CNTNAP2: variants seen among roughly 807,000 people sequenced by gnomAD.
CNTNAP2 encodes contactin associated protein 2.
A neutral mutation model predicts 155.2 loss-of-function variants in CNTNAP2; 98 were observed. The observed-to-expected ratio is 0.63, with a 90% CI of 0.54 to 0.75. The LOEUF is 0.75. Among genes scored for constraint, CNTNAP2 ranks in the 30% least tolerant of loss-of-function variants. CNTNAP2 has a pLI of 0.00. For missense variants in CNTNAP2, 1,727 were observed against 1,688.1 expected (o/e 1.02, Z -0.40); for synonymous variants, 651 against 631.2 (o/e 1.03, Z -0.47).
chr7:147,093,287 A>T (rs1245869971), intron 4 of CNTNAP2, among the ~76,000 whole-genome samples: 1 of 151,392 alleles, frequency 6.6e-6, no homozygotes, highest in African/African-American at 2.4e-5. Context: ...CGTATGTCAG[A>T]TGATACAATG....
At chr7:146,162,134 A>G (rs1282746441) in intron 1 of CNTNAP2, among the ~76,000 whole-genome samples, 1 of 152,226 alleles carries the variant, frequency 6.6e-6, no homozygotes. Context: ...ACCAAAAGCA[A>G]TGGCAACAAA....
At chr7:147,774,919 A>G (rs1164649917) in intron 13 of CNTNAP2, among the ~76,000 whole-genome samples, 1 of 152,070 alleles carries the variant, frequency 6.6e-6, no homozygotes. Flanking sequence ...AAAGGTCACA[A>G]AGTCAGTATA....
At chr7:146,987,067 C>T (rs1445383441) in intron 3 of CNTNAP2, among the ~76,000 whole-genome samples, 1 of 152,084 alleles carries the variant, frequency 6.6e-6, no homozygotes, top group Non-Finnish European at 1.5e-5. Context: ...AACAAAGAAC[C>T]TGGAACACAG....
chr7:148,201,158 C>G (rs1795363548), intron 18 of CNTNAP2, among the ~76,000 whole-genome samples: 1 of 152,164 alleles, frequency 6.6e-6, no homozygotes, highest in Non-Finnish European at 1.5e-5. Flanking sequence ...AAAATAATTA[C>G]AGAAGCAAAA....
intron 18 of CNTNAP2, among the ~76,000 whole-genome samples, chr7:148,178,400 C>T (rs1794982805): frequency 6.6e-6 from 1 of 152,154 alleles, no homozygotes; most frequent in Non-Finnish European, 1.5e-5. Context: ...TACTGAGTGA[C>T]CAAGATTTGA....
rs181352565 is a variant in CNTNAP2 at position 147,457,080 on chromosome 7, C to T, written c.1671-28855C>T. ...AAAACTAACTGGACCAGTACTTTTC[C>T]TTTTTTTCTGATATTTTCCTTTGTT... On this transcript the variant is annotated intron_variant, in intron 10 of 23. Coordinates refer to ENST00000361727, the MANE Select transcript of CNTNAP2 (RefSeq NM_014141.6). Among the ~76,000 whole-genome samples, 985 of 152,178 alleles carry T rather than the reference C, an allele frequency of 6.5e-3. 5 individuals are homozygous for T. Among genetic ancestry groups the T allele is most frequent in the Non-Finnish European group, 0.011 (737 of 67,990 alleles).
chr7:147,561,711 G>A (rs1456336719), intron 11 of CNTNAP2, among the ~76,000 whole-genome samples: 4 of 152,114 alleles, frequency 2.6e-5, no homozygotes, highest in African/African-American at 9.7e-5. Context: ...GTGTGTGTGT[G>A]CACAAGAGAG....
At chr7:148,353,215 G>T (rs542539978) in intron 21 of CNTNAP2, among the ~76,000 whole-genome samples, 1 of 152,198 alleles carries the variant, frequency 6.6e-6, no homozygotes, top group Non-Finnish European at 1.5e-5. Context: ...AATGCCCACT[G>T]AAGTGTTCCC....
intron 2 of CNTNAP2, among the ~76,000 whole-genome samples, chr7:146,815,271 A>G (rs1803143525): frequency 6.6e-6 from 1 of 152,184 alleles, no homozygotes; most frequent in Admixed American, 6.6e-5. Flanking sequence ...ACAGATATAT[A>G]TAATCATAAA....
At chr7:148,397,237 A>ATCAG (rs1057037060) in intron 22 of CNTNAP2, among the ~76,000 whole-genome samples, 2 of 152,242 alleles carry the variant, frequency 1.3e-5, no homozygotes, top group African/African-American at 4.8e-5. Context: ...CTGGCTGCAC[A>ATCAG]TCAGTCACCT....
chr7:148,021,748 G>A (rs547133037), intron 15 of CNTNAP2, among the ~76,000 whole-genome samples: 1 of 152,196 alleles, frequency 6.6e-6, no homozygotes, highest in Non-Finnish European at 1.5e-5. Context: ...CAGGAACCCG[G>A]TGGCTCGCAG....
intron 10 of CNTNAP2, among the ~76,000 whole-genome samples, chr7:147,451,842 A>G (rs1797839520): frequency 6.6e-6 from 1 of 151,310 alleles, no homozygotes; most frequent in Admixed American, 6.6e-5. Context: ...TTAAAAAGTG[A>G]CTGGGTCATT....
chr7:146,871,098 C>G (rs1795296215), intron 3 of CNTNAP2, among the ~76,000 whole-genome samples: 3 of 152,186 alleles, frequency 2.0e-5, no homozygotes, highest in Admixed American at 6.5e-5. Flanking sequence ...CAATGGGACA[C>G]ATCTACCAGC....
In CNTNAP2 at chr7:146,231,454, CCT is replaced by C. The variant is rs1227545284; in HGVS notation, c.97+114482_97+114483del. Among the ~76,000 whole-genome samples the C allele has an allele frequency of 2.6e-5, 4 of 152,288 alleles. No individual in the cohort carries two copies. In the East Asian group the frequency reaches 7.7e-4, roughly 29 times the overall value. On this transcript the variant is annotated intron_variant, in intron 1 of 23. Coordinates refer to ENST00000361727, the MANE Select transcript of CNTNAP2 (RefSeq NM_014141.6). ...AATGTTCATCATCTTTAAACATCGACCTGCTTATAGTATCCACTTACTCCCAT... is the reference window on the plus strand; with the variant it reads ...AATGTTCATCATCTTTAAACATCGACGCTTATAGTATCCACTTACTCCCAT...
Position 146,482,400 on chromosome 7 carries a change from TA to T in CNTNAP2, c.98-291870del, listed in dbSNP as rs1255269157. On this transcript the variant is annotated intron_variant, in intron 1 of 23. Coordinates refer to ENST00000361727, the MANE Select transcript of CNTNAP2 (RefSeq NM_014141.6). ...TATATATGTATGTGTGTGTGTGTATTATATATATATATATATATATCTGTGC... is the reference window on the plus strand; with the variant it reads ...TATATATGTATGTGTGTGTGTGTATTTATATATATATATATATATCTGTGC... Among the ~76,000 whole-genome samples the T allele has an allele frequency of 7.6e-5, 6 of 78,636 alleles. No individual in the cohort carries two copies. The African/African-American group carries it at 8.0e-4, about 10-fold the overall frequency. The allele number at this position is 78,636 out of a possible 152,430, so 51.6% of individuals were successfully genotyped here. A position where few individuals can be genotyped will look rare whatever the true frequency, so the allele number is the denominator to read the frequency against.
chr7:146,818,295 T>C (rs1360510809), intron 2 of CNTNAP2, among the ~76,000 whole-genome samples: 1 of 152,172 alleles, frequency 6.6e-6, no homozygotes, highest in Non-Finnish European at 1.5e-5. Flanking sequence ...AGCCTTTGTT[T>C]CAGTATTAAA....
At chr7:148,314,623 C>A (rs1027625866) in intron 21 of CNTNAP2, among the ~76,000 whole-genome samples, 1 of 151,796 alleles carries the variant, frequency 6.6e-6, no homozygotes, top group South Asian at 2.1e-4. Context: ...CCTAGAAAAG[C>A]GGTACTTGCC....
chr7:146,310,500 G>T (rs536210388), intron 1 of CNTNAP2, among the ~76,000 whole-genome samples: 1 of 152,086 alleles, frequency 6.6e-6, no homozygotes, highest in South Asian at 2.1e-4. Context: ...GTAGTTCAGT[G>T]TAACTATAAT....
At chr7:147,735,000 GT>G (rs1796816356) in intron 13 of CNTNAP2, among the ~76,000 whole-genome samples, 1 of 151,486 alleles carries the variant, frequency 6.6e-6, no homozygotes, top group South Asian at 2.1e-4. Context: ...TTTTTGAAGG[GT>G]TTTTTGTGTC....
Sources: gnomAD v4.1 joint callset for allele counts (sites outside exome capture counted in the v4.1 genomes callset) on GRCh38, gnomAD v4.1.1 for gene constraint, MANE v1.5 for transcripts, NCBI Gene and HGNC (gene_info 2026-07-23, HGNC 2026-07-21) for gene names.